Variants in DNM3 observed in about 807,000 individuals in gnomAD.
The protein encoded by DNM3 is dynamin 3.
In DNM3, 47 loss-of-function variants were observed where a neutral mutation model predicts 101.6. The ratio of observed to expected loss-of-function variants is 0.46; its 90% CI spans 0.37 to 0.59. The LOEUF (loss-of-function observed/expected upper bound fraction) is 0.59. Ranked by LOEUF, DNM3 falls within the 20% of genes least tolerant of loss-of-function variation. The probability of loss-of-function intolerance (pLI) is 0.00; values close to 1 mark genes in which losing one functional copy is unlikely to be tolerated. For synonymous variants in DNM3, 385 were observed against 387.9 expected, an observed-to-expected ratio of 0.99 and a Z score of 0.09; for missense variants, 849 against 1,085.7, an observed-to-expected ratio of 0.78 and a Z score of 3.06.
chr1:172,062,331 T>C (rs546415155), intron 10 of DNM3, among the ~76,000 whole-genome samples: 1 of 152,180 alleles, frequency 6.6e-6, no homozygotes, highest in Non-Finnish European at 1.5e-5. Context: ...ATTACTTAAG[T>C]AAGAGGCTCT....
intron 12 of DNM3, among the ~76,000 whole-genome samples, chr1:172,092,599 G>A (rs192815832): frequency 3.9e-5 from 6 of 152,228 alleles, no homozygotes; most frequent in Admixed American, 3.9e-4. Context: ...TTTTCTTTAA[G>A]TGGTGTTATT....
chr1:172,060,164 G>A (rs1177814747), intron 10 of DNM3, among the ~76,000 whole-genome samples: 8 of 140,374 alleles, frequency 5.7e-5, no homozygotes, highest in Admixed American at 2.9e-4. Flanking sequence ...TCTTCAAGGA[G>A]AACTACAAAC....
intron 17 of DNM3, among the ~76,000 whole-genome samples, chr1:172,372,556 A>C (rs1256322683): frequency 6.6e-6 from 1 of 151,794 alleles, no homozygotes; most frequent in African/African-American, 2.4e-5. Flanking sequence ...GTTTATTGCC[A>C]GGTAGTTTAT....
At chr1:172,093,737 G>GT in intron 13 of DNM3, 3 of 1,606,158 alleles carry the variant, frequency 1.9e-6, no homozygotes, top group Non-Finnish European at 2.5e-6. Flanking sequence ...TACGAGCTAA[G>GT]TTCTGTAAGC....
At chr1:172,049,060 G>A (rs1166914844) in intron 10 of DNM3, among the ~76,000 whole-genome samples, 1 of 152,080 alleles carries the variant, frequency 6.6e-6, no homozygotes, top group African/African-American at 2.4e-5. Flanking sequence ...TTTTTCCTGT[G>A]GTGCATGGAT....
chr1:172,008,867 A>T (rs1424136862), intron 4 of DNM3, among the ~76,000 whole-genome samples: 4 of 139,454 alleles, frequency 2.9e-5, no homozygotes, highest in Admixed American at 7.7e-5. Flanking sequence ...ATTACTATAT[A>T]AATAATATTA....
intron 13 of DNM3, among the ~76,000 whole-genome samples, chr1:172,111,704 G>A (rs763274882): frequency 1.2e-4 from 19 of 152,180 alleles, no homozygotes; most frequent in Non-Finnish European, 2.5e-4. Context: ...ACAAGGTGAT[G>A]TAAGTGCTAA....
intron 11 of DNM3, among the ~76,000 whole-genome samples, chr1:172,080,924 C>T (rs1034198555): frequency 2.6e-5 from 4 of 152,160 alleles, no homozygotes; most frequent in Non-Finnish European, 5.9e-5. Context: ...CAATGCCCCA[C>T]CCTGCTTCAG....
At chr1:172,092,912 C>A in intron 13 of DNM3, 37 bp downstream of exon 13, 1 of 1,514,940 alleles carries the variant, frequency 6.6e-7, no homozygotes, top group East Asian at 2.5e-5. Flanking sequence ...TATGCATGTC[C>A]CAAAGAATTT....
chr1:171,921,949 C>T, intron 2 of DNM3, 128 bp downstream of exon 2: 1 of 703,066 alleles, frequency 1.4e-6, no homozygotes, highest in East Asian at 2.7e-5. Context: ...GCCCACATTT[C>T]TCTCCAGAAT....
At chr1:172,212,662 A>C (rs2060553255) in intron 14 of DNM3, among the ~76,000 whole-genome samples, 1 of 152,198 alleles carries the variant, frequency 6.6e-6, no homozygotes, top group South Asian at 2.1e-4. Flanking sequence ...AACTAAAAAC[A>C]AGGCAAATAA....
intron 1 of DNM3, among the ~76,000 whole-genome samples, chr1:171,884,910 G>A (rs1251268840): frequency 6.6e-6 from 1 of 152,188 alleles, no homozygotes; most frequent in East Asian, 1.9e-4. Flanking sequence ...TGAATACAGG[G>A]ATGTGTGAGC....
At chr1:171,913,184 T>A (rs536350298) in intron 1 of DNM3, among the ~76,000 whole-genome samples, 2 of 152,356 alleles carry the variant, frequency 1.3e-5, no homozygotes, top group East Asian at 3.9e-4. Flanking sequence ...CATTAATTAT[T>A]GATTATTTAG....
intron 4 of DNM3, among the ~76,000 whole-genome samples, chr1:172,016,539 C>T (rs1469497677): frequency 6.6e-6 from 1 of 152,152 alleles, no homozygotes; most frequent in Non-Finnish European, 1.5e-5. Context: ...AACCTATATT[C>T]ATAAGAGATA....
intron 13 of DNM3, among the ~76,000 whole-genome samples, chr1:172,121,121 CA>C (rs1425351342): frequency 1.3e-5 from 2 of 152,120 alleles, no homozygotes; most frequent in Non-Finnish European, 2.9e-5. Flanking sequence ...GCTTAGTTCT[CA>C]TTCTGTTTTG....
At chr1:171,964,159 C>T (rs1193040008) in intron 2 of DNM3, among the ~76,000 whole-genome samples, 1 of 152,122 alleles carries the variant, frequency 6.6e-6, no homozygotes, top group East Asian at 1.9e-4. Flanking sequence ...AAAGCTGTCT[C>T]CTGTGGGGAA....
chr1:172,316,074 A>G (rs1390977801), intron 16 of DNM3, among the ~76,000 whole-genome samples: 4 of 152,122 alleles, frequency 2.6e-5, no homozygotes, highest in East Asian at 1.9e-4. Flanking sequence ...AGAGAGTGGG[A>G]GCCAATATTC....
chr1:172,061,760 A>T (rs746279711), intron 10 of DNM3, among the ~76,000 whole-genome samples: 9 of 151,550 alleles, frequency 5.9e-5, no homozygotes, highest in Non-Finnish European at 8.8e-5. Context: ...ATGACAAGTT[A>T]GTGGGTGCAG....
At chr1:172,276,964 A>G (rs1275910924) in intron 15 of DNM3, among the ~76,000 whole-genome samples, 1 of 152,080 alleles carries the variant, frequency 6.6e-6, no homozygotes, top group African/African-American at 2.4e-5. Flanking sequence ...GAATTCAAAA[A>G]AAGTTCATTA....
Sources: allele counts gnomAD v4.1 joint callset (sites outside exome capture counted in the v4.1 genomes callset), GRCh38; gene constraint gnomAD v4.1.1; transcripts MANE v1.5; gene names NCBI Gene and HGNC (gene_info 2026-07-23, HGNC 2026-07-21).